MALRD1: variants seen among roughly 807,000 people sequenced by gnomAD.
MALRD1 encodes MAM and LDL receptor class A domain containing 1, also known as MAM and LDL-receptor class A domain-containing protein 1.
MALRD1 carries 247 observed loss-of-function variants against 242.1 expected under a neutral mutation model. The ratio of observed to expected loss-of-function variants is 1.02; its 90% confidence interval spans 0.92 to 1.13. MALRD1 has a LOEUF of 1.13. Among genes scored for constraint, MALRD1 ranks in the 50% most tolerant of loss-of-function variants. The pLI, the probability that MALRD1 is intolerant of heterozygous loss-of-function variation, is 0.00. For missense variants in MALRD1, 2,989 were observed against 2,533.1 expected, an observed-to-expected ratio of 1.18 and a Z score of -3.86; for synonymous variants, 995 against 866.6, an observed-to-expected ratio of 1.15 and a Z score of -2.60.
At chr10:19,688,014 G>A (rs1589402199) in intron 36 of MALRD1, among the ~76,000 whole-genome samples, 1 of 152,148 alleles carries the variant, frequency 6.6e-6, no homozygotes, top group East Asian at 1.9e-4. Flanking sequence ...GTGTTGCCCA[G>A]GCTGGAGCGC....
chr10:19,441,104 G>C lies in MALRD1; in HGVS notation c.4846-9203G>C, dbSNP rs185153158. 6.5e-3 allele frequency among the ~76,000 whole-genome samples: 997 copies of C among 152,236 alleles called. 15 individuals are homozygous for C. Among genetic ancestry groups the C allele is most frequent in the Admixed American group, 0.024 (367 of 15,286 alleles). On this transcript the variant is annotated intron_variant, in intron 28 of 39. Coordinates refer to ENST00000454679, the MANE Select transcript of MALRD1 (RefSeq NM_001142308.3). Reference sequence around the variant, plus strand: ...TTTCTCTGATGGCCAGTGATGATGAGCATTTTTTCATATGTCTGTTGGCTG... The same window carrying C: ...TTTCTCTGATGGCCAGTGATGATGACCATTTTTTCATATGTCTGTTGGCTG...
intron 14 of MALRD1, among the ~76,000 whole-genome samples, chr10:19,180,074 G>A (rs1252768410): frequency 2.0e-5 from 3 of 152,174 alleles, no homozygotes; most frequent in African/African-American, 7.2e-5. Context: ...AAAGAGGCAA[G>A]AGGAAAGGCA....
chr10:19,228,618 T>C (rs1837901339), intron 18 of MALRD1, among the ~76,000 whole-genome samples: 2 of 152,142 alleles, frequency 1.3e-5, no homozygotes, highest in African/African-American at 4.8e-5. Flanking sequence ...GTTATTTTTA[T>C]AGAGTGGAAA....
At chr10:19,469,736 A>G (rs911870917) in intron 29 of MALRD1, among the ~76,000 whole-genome samples, 1 of 152,070 alleles carries the variant, frequency 6.6e-6, no homozygotes, top group Non-Finnish European at 1.5e-5. Flanking sequence ...TTACATGCCA[A>G]AAATCAGTGT....
At chr10:19,530,375 A>G (rs1217577422) in intron 31 of MALRD1, among the ~76,000 whole-genome samples, 7 of 99,280 alleles carry the variant, frequency 7.1e-5, no homozygotes, top group African/African-American at 2.2e-4. Flanking sequence ...AAATATTTAT[A>G]TAAATATTAT....
At chr10:19,159,416 A>G (rs1244926109) in intron 12 of MALRD1, among the ~76,000 whole-genome samples, 3 of 151,956 alleles carry the variant, frequency 2.0e-5, no homozygotes, top group Non-Finnish European at 2.9e-5. Context: ...ATAAAGGTGC[A>G]GCAAGTGTGG....
chr10:19,462,542 G>A (rs1265721202), intron 29 of MALRD1, among the ~76,000 whole-genome samples: 1 of 152,198 alleles, frequency 6.6e-6, no homozygotes, highest in Non-Finnish European at 1.5e-5. Context: ...TTCCATGGCA[G>A]TCATTTCCTG....
At chr10:19,277,600 G>C (rs568107550) in intron 19 of MALRD1, among the ~76,000 whole-genome samples, 4 of 152,170 alleles carry the variant, frequency 2.6e-5, no homozygotes, top group African/African-American at 9.6e-5. Flanking sequence ...TTTCACACAG[G>C]GTAGCCTGGA....
intron 31 of MALRD1, among the ~76,000 whole-genome samples, chr10:19,513,651 A>G (rs1833505675): frequency 6.6e-6 from 1 of 152,002 alleles, no homozygotes; most frequent in South Asian, 2.1e-4. Flanking sequence ...AGGCAGGAGA[A>G]TGGTGTGAAC....
intron 10 of MALRD1, among the ~76,000 whole-genome samples, chr10:19,139,048 T>C (rs1020425124): frequency 2.2e-4 from 33 of 152,170 alleles, no homozygotes; most frequent in African/African-American, 7.7e-4. Flanking sequence ...GAGATGGACT[T>C]GATATAGGGA....
chr10:19,464,978 G>C (rs1013759547), intron 29 of MALRD1, among the ~76,000 whole-genome samples: 1 of 134,596 alleles, frequency 7.4e-6, no homozygotes, highest in Non-Finnish European at 1.6e-5. Flanking sequence ...TGCAGCTCTT[G>C]TAAAAGTGGT....
chr10:19,337,035 T>A (rs1444016213), intron 24 of MALRD1, among the ~76,000 whole-genome samples: 2 of 152,078 alleles, frequency 1.3e-5, no homozygotes, highest in East Asian at 1.9e-4. Context: ...AAATATATAT[T>A]GTGTGTGTAT....
At chr10:19,233,852 T>C (rs1306335473) in intron 18 of MALRD1, among the ~76,000 whole-genome samples, 3 of 151,908 alleles carry the variant, frequency 2.0e-5, no homozygotes, top group African/African-American at 7.3e-5. Flanking sequence ...TGGTTTCTTT[T>C]TTTTTAATGG....
chr10:19,430,686 T>C (rs1264720008), intron 28 of MALRD1, among the ~76,000 whole-genome samples: 1 of 152,198 alleles, frequency 6.6e-6, no homozygotes, highest in Non-Finnish European at 1.5e-5. Flanking sequence ...TATTGGCACA[T>C]AAAAGACACT....
At chr10:19,590,761 T>A (rs1381659734) in intron 33 of MALRD1, among the ~76,000 whole-genome samples, 1 of 152,028 alleles carries the variant, frequency 6.6e-6, no homozygotes, top group East Asian at 1.9e-4. Context: ...CAGTTTTAGG[T>A]TCACAGCAGA....
At position 19,354,261 on chromosome 10, in the gene MALRD1, G is replaced by T. The variant is rs180772201; in HGVS notation, c.4441+1964G>T. Among the ~76,000 whole-genome samples, 11 of 152,122 alleles carry T rather than the reference G, an allele frequency of 7.2e-5. No individual in the cohort carries two copies. In the East Asian group the frequency reaches 2.1e-3, roughly 29 times the overall value. On this transcript the variant is annotated intron_variant, in intron 26 of 39. Coordinates refer to ENST00000454679, the MANE Select transcript of MALRD1 (RefSeq NM_001142308.3). ...TTAAGGGCACAGATGAATCATACCAGAGCTCTTTGAATATGATAATATTTG... is the reference window on the plus strand; with the variant it reads ...TTAAGGGCACAGATGAATCATACCATAGCTCTTTGAATATGATAATATTTG...
chr10:19,103,986 T>A lies in MALRD1; in HGVS notation c.605T>A (p.Phe202Tyr). The A allele has an allele frequency of 1.6e-6, 2 of 1,233,704 alleles. No individual in the cohort carries two copies. The highest frequency in any genetic ancestry group is 3.1e-5 in the African/African-American group (2 of 64,624). 76.4% of individuals were successfully genotyped at this position (1,233,704 alleles called of 1,614,324 possible). A position where few individuals can be genotyped will look rare whatever the true frequency, so the allele number is the denominator to read the frequency against. The part of the protein sequence containing the change: ...IQSSQRFQVV[F>Y]EGQMASTYEQ... ...TTTGTTTTTCTGGTGCAGGTTGTTT[T>A]TGAAGGTCAAATGGCTTCAACGTAT... Residue 202 changes from phenylalanine to tyrosine, a missense_variant, in exon 5 of 40, where the codon TTT becomes TAT. Physicochemically the swap from Phe to Tyr is conservative, Grantham distance 22 (BLOSUM62 3). Transcript: ENST00000454679.
At chr10:19,082,261 T>C (rs1378486898) in intron 2 of MALRD1, among the ~76,000 whole-genome samples, 1 of 151,836 alleles carries the variant, frequency 6.6e-6, no homozygotes, top group Non-Finnish European at 1.5e-5. Context: ...TTAATGCCAA[T>C]GTAATTTTAA....
intron 36 of MALRD1, among the ~76,000 whole-genome samples, chr10:19,676,064 AAGTATGAG>A (rs1366374219): frequency 2.6e-5 from 4 of 152,210 alleles, no homozygotes; most frequent in Non-Finnish European, 5.9e-5. Context: ...AAAGCCCTTG[AAGTATGAG>A]AGTATGTTTC....
Sources: allele counts gnomAD v4.1 joint callset (sites outside exome capture counted in the v4.1 genomes callset), GRCh38; gene constraint gnomAD v4.1.1; transcripts MANE v1.5; gene names NCBI Gene and HGNC (gene_info 2026-07-23, HGNC 2026-07-21).